The following VWF variants were observed in gnomAD, a reference collection of about 807,000 sequenced individuals.
VWF encodes Factor VIII related antigen.
Under a neutral mutation model 308.6 loss-of-function variants are expected in VWF, and 176 were observed. The observed-to-expected ratio is 0.57, with a 90% CI of 0.50 to 0.65. The LOEUF (loss-of-function observed/expected upper bound fraction) is 0.65. Among genes scored for constraint, VWF ranks in the 30% least tolerant of loss-of-function variants. The pLI is 0.00. For missense variants in VWF, 3,146 were observed against 3,648.2 expected (o/e 0.86, Z 3.55); for synonymous variants, 1,385 against 1,443.4 (o/e 0.96, Z 0.92).
At chr12:6,088,244 C>T (rs373738556) in intron 6 of VWF, among the ~76,000 whole-genome samples, 7 of 151,590 alleles carry the variant, frequency 4.6e-5, no homozygotes, top group East Asian at 2.0e-4. Flanking sequence ...TTTCGGAGGC[C>T]GAGGCGGGCA....
chr12:5,961,601 A>AC (rs1565809994), intron 47 of VWF, among the ~76,000 whole-genome samples: 1 of 151,962 alleles, frequency 6.6e-6, no homozygotes, highest in Non-Finnish European at 1.5e-5. Flanking sequence ...AAAAAAAAAA[A>AC]AAAACACTAT....
chr12:6,102,028 G>A (rs1392388472), intron 5 of VWF, among the ~76,000 whole-genome samples: 1 of 152,142 alleles, frequency 6.6e-6, no homozygotes, highest in Admixed American at 6.5e-5. Flanking sequence ...TTAAAACTAG[G>A]TGTTAGTTAA....
intron 44 of VWF, 147 bp from the exon 45 acceptor site, chr12:5,969,538 G>A: frequency 1.1e-6 from 1 of 933,694 alleles, no homozygotes; most frequent in South Asian, 1.7e-5. Context: ...AGGGCCCACG[G>A]AGGGGATGAG....
chr12:5,951,576 GT>G (rs1272266227), intron 50 of VWF, among the ~76,000 whole-genome samples: 1 of 152,202 alleles, frequency 6.6e-6, no homozygotes, highest in Non-Finnish European at 1.5e-5. Context: ...ACAGGAGGGA[GT>G]TTGCAGGAAA....
intron 28 of VWF, among the ~76,000 whole-genome samples, chr12:6,017,849 G>C (rs1215068374): frequency 2.0e-5 from 3 of 152,104 alleles, no homozygotes; most frequent in Non-Finnish European, 4.4e-5. Context: ...TTCAAACTAA[G>C]GCAGTCTGAC....
chr12:6,108,757 A>T (rs182646782), intron 5 of VWF, among the ~76,000 whole-genome samples: 2 of 152,042 alleles, frequency 1.3e-5, no homozygotes, highest in South Asian at 4.2e-4. Flanking sequence ...CGAGGGGGGC[A>T]GATCACGAGG....
In VWF at chr12:6,057,953, G is replaced by C. The variant is rs141649383; in HGVS notation, c.1625C>G (p.Ala542Gly). The C allele has an allele frequency of 1.1e-3, 1,714 of 1,613,708 alleles. 2 individuals carry two copies. Among genetic ancestry groups the C allele is most frequent in the Admixed American group, 1.6e-3 (98 of 60,020 alleles). Residue 542 changes from alanine to glycine, a missense_variant, in exon 14 of 52, where the codon GCG becomes GGG. This residue lies in a region of VWF where 1,304 missense variants were observed against 1,353.0 expected (regional missense o/e 0.96). Coordinates refer to ENST00000261405, the MANE Select transcript of VWF (RefSeq NM_000552.5). ...GDDFLTPSGL[A>G]EPRVEDFGNA... is the part of the protein sequence containing the mutation. ...CCCGAAGTCCTCCACCCGGGGCTCC[G>C]CCAGCCCAGAGGGGGTAAGGAAGTC...
chr12:6,038,471 G>A (rs1479526204), intron 18 of VWF, among the ~76,000 whole-genome samples: 1 of 152,086 alleles, frequency 6.6e-6, no homozygotes, highest in Non-Finnish European at 1.5e-5. Context: ...CTCTTGGTCT[G>A]CATGCTGCAT....
chr12:6,073,965 G>A (rs529500173), intron 7 of VWF, among the ~76,000 whole-genome samples: 10 of 152,148 alleles, frequency 6.6e-5, no homozygotes, highest in Non-Finnish European at 1.5e-4. Context: ...AGACCCATCG[G>A]GGGCACCCAG....
rs993502326 is a variant in VWF at position 6,009,757 on chromosome 12, A to C, written c.5842+1860T>G. On this transcript the variant is annotated intron_variant, in intron 34 of 51. Transcript: ENST00000261405. ...CACATCAGTGGACAAATGGATAAAG[A>C]AAATGTGGTATATACATGCAATGGA... Among the ~76,000 whole-genome samples the C allele has an allele frequency of 6.6e-5, 10 of 152,354 alleles. 1 individual carries two copies. Among genetic ancestry groups the C allele is most frequent in the Admixed American group, 5.9e-4 (9 of 15,294 alleles).
At chr12:5,960,596 G>C (rs1943303106) in intron 47 of VWF, among the ~76,000 whole-genome samples, 1 of 152,210 alleles carries the variant, frequency 6.6e-6, no homozygotes, top group South Asian at 2.1e-4. Flanking sequence ...CAAAATATGA[G>C]CAAATAGATC....
chr12:6,012,981 G>A (rs901296975), intron 32 of VWF, among the ~76,000 whole-genome samples: 8 of 152,104 alleles, frequency 5.3e-5, no homozygotes, highest in Non-Finnish European at 8.8e-5. Flanking sequence ...GATTACAGAC[G>A]TGAGCCACTG....
intron 34 of VWF, among the ~76,000 whole-genome samples, chr12:6,003,814 C>CTTTTTTT (rs34433330): frequency 5.7e-5 from 7 of 122,824 alleles, no homozygotes; most frequent in African/African-American, 9.3e-5. Flanking sequence ...CTTTCTCTCT[C>CTTTTTTT]TTTTTTTTTT....
At chr12:5,972,155 C>T (rs1433487956) in intron 43 of VWF, among the ~76,000 whole-genome samples, 1 of 152,212 alleles carries the variant, frequency 6.6e-6, no homozygotes, top group Non-Finnish European at 1.5e-5. Context: ...ATACTGCTCA[C>T]CAACGTGCAG....
intron 8 of VWF, among the ~76,000 whole-genome samples, chr12:6,072,914 T>C (rs1055645215): frequency 6.6e-6 from 1 of 151,246 alleles, no homozygotes; most frequent in Non-Finnish European, 1.5e-5. Flanking sequence ...TCACCCAGGA[T>C]GGAGTGCAGT....
At chr12:6,047,062 C>T (rs939692922) in intron 16 of VWF, among the ~76,000 whole-genome samples, 1 of 152,188 alleles carries the variant, frequency 6.6e-6, no homozygotes, top group Admixed American at 6.5e-5. Context: ...GAACACTCCA[C>T]TCTTCTAGAA....
chr12:5,983,970 A>AGATG (rs945239946), intron 40 of VWF, among the ~76,000 whole-genome samples: 3 of 141,956 alleles, frequency 2.1e-5, no homozygotes, highest in South Asian at 2.3e-4. Context: ...ATGGATGGAT[A>AGATG]GATGGATAGA....
rs528014305 is a variant in VWF, at chr12:6,026,550, A to G, written c.2968-504T>C. Among the ~76,000 whole-genome samples, 77 of 152,324 alleles carry G rather than the reference A, an allele frequency of 5.1e-4. No individual in the cohort carries two copies. The Middle Eastern group carries it at 0.017, about 34-fold the overall frequency. On this transcript the variant is annotated intron_variant, in intron 22 of 51. Transcript: ENST00000261405. ...TGGGCAGAATTCTGCTCTCTCATAA[A>G]TGTAATCAGGAAGATATGTCTCACC...
Position 6,110,012 on chromosome 12 carries a change from A to G in VWF, c.532+362T>C, listed in dbSNP as rs115235071. Among the ~76,000 whole-genome samples the G allele has an allele frequency of 5.2e-3, 788 of 152,302 alleles. 6 individuals are homozygous for G. The highest frequency in any genetic ancestry group is 0.018 in the African/African-American group (758 of 41,558). ...CGTGAACACACACATGCACACACAC[A>G]TAAACTGGCCTTTTTGGATGGTGTG... On this transcript the variant is annotated intron_variant, in intron 5 of 51. Transcript: ENST00000261405.
Sources: gnomAD v4.1 joint callset for allele counts (sites outside exome capture counted in the v4.1 genomes callset) on GRCh38, gnomAD v4.1.1 for gene constraint, gnomAD v4.1.1 regional missense constraint, MANE v1.5 for transcripts, NCBI Gene and HGNC (gene_info 2026-07-23, HGNC 2026-07-21) for gene names.